Variants in DIS3L2 observed in about 807,000 individuals in gnomAD.
The protein encoded by DIS3L2 is DIS3-like exonuclease 2.
A neutral mutation model predicts 97.5 loss-of-function variants in DIS3L2; 34 were observed. The observed-to-expected ratio is 0.35, with a 90% CI of 0.27 to 0.46. The LOEUF (loss-of-function observed/expected upper bound fraction) is 0.46. Ranked by LOEUF, DIS3L2 falls within the 20% of genes least tolerant of loss-of-function variation. The probability of loss-of-function intolerance (pLI) is 1.00; values close to 1 mark genes in which losing one functional copy is unlikely to be tolerated. For missense variants in DIS3L2, 1,038 were observed against 1,146.0 expected, an observed-to-expected ratio of 0.91 and a Z score of 1.36; for synonymous variants, 435 against 445.2, an observed-to-expected ratio of 0.98 and a Z score of 0.29.
intron 10 of DIS3L2, among the ~76,000 whole-genome samples, chr2:232,220,548 A>G (rs1361330366): frequency 1.3e-5 from 2 of 151,942 alleles, no homozygotes; most frequent in East Asian, 3.9e-4. Context: ...GTCTACTAAA[A>G]ATATAAAAAT....
chr2:232,259,232 T>C (rs951282765), intron 12 of DIS3L2, among the ~76,000 whole-genome samples: 1 of 151,952 alleles, frequency 6.6e-6, no homozygotes, highest in South Asian at 2.1e-4. Flanking sequence ...GGTGTTCCTA[T>C]GTGCTGTTAG....
chr2:232,295,434 A>G (rs1200860897), intron 13 of DIS3L2, among the ~76,000 whole-genome samples: 1 of 152,210 alleles, frequency 6.6e-6, no homozygotes. Flanking sequence ...TGCAGCCAAG[A>G]AAGGGGTTCC....
At chr2:232,229,023 A>T (rs79057767) in intron 10 of DIS3L2, among the ~76,000 whole-genome samples, 7 of 152,186 alleles carry the variant, frequency 4.6e-5, no homozygotes, top group African/African-American at 1.7e-4. Context: ...GCCTCTAAAG[A>T]TCATCACTGA....
At chr2:232,209,835 G>T (rs1229288920) in intron 9 of DIS3L2, among the ~76,000 whole-genome samples, 1 of 152,200 alleles carries the variant, frequency 6.6e-6, no homozygotes, top group African/African-American at 2.4e-5. Context: ...TAATTATTCT[G>T]TGGAAACAAA....
intron 5 of DIS3L2, among the ~76,000 whole-genome samples, chr2:232,051,944 T>C (rs1265866285): frequency 6.6e-6 from 1 of 151,728 alleles, no homozygotes; most frequent in East Asian, 1.9e-4. Flanking sequence ...TATAAAAGAT[T>C]GGATATATTG....
chr2:232,092,442 G>A (rs1384297493), intron 6 of DIS3L2, among the ~76,000 whole-genome samples: 1 of 151,778 alleles, frequency 6.6e-6, no homozygotes, highest in African/African-American at 2.4e-5. Flanking sequence ...TCTATGAAGA[G>A]TGTCATTGGT....
In DIS3L2 at chr2:232,336,689, G is replaced by C; in HGVS notation, c.*59G>C. On this transcript the variant is annotated 3_prime_UTR_variant, in exon 21 of 21. Coordinates refer to ENST00000325385, the MANE Select transcript of DIS3L2 (RefSeq NM_152383.5). ...TGCCTGTCCCGCCACACTGGCTTTA[G>C]GACCTGTTGACACGGAGGGGGGTTT... The C allele has an allele frequency of 6.4e-7, 1 of 1,563,944 alleles. No homozygotes were observed. Among genetic ancestry groups the C allele is most frequent in the Non-Finnish European group, 8.6e-7 (1 of 1,161,894 alleles).
At chr2:232,093,580 G>A (rs570832367) in intron 6 of DIS3L2, among the ~76,000 whole-genome samples, 10 of 152,152 alleles carry the variant, frequency 6.6e-5, no homozygotes, top group African/African-American at 1.9e-4. Flanking sequence ...TTACTGGTCT[G>A]TTCAGGTTTT....
At chr2:232,049,531 C>T (rs1215372987) in intron 5 of DIS3L2, among the ~76,000 whole-genome samples, 1 of 152,136 alleles carries the variant, frequency 6.6e-6, no homozygotes, top group Admixed American at 6.5e-5. Flanking sequence ...TACCTTCTGT[C>T]CACATGATGA....
At chr2:231,964,068 A>G (rs139286426) in intron 1 of DIS3L2, among the ~76,000 whole-genome samples, 70 of 152,296 alleles carry the variant, frequency 4.6e-4, no homozygotes, top group Non-Finnish European at 9.3e-4. Flanking sequence ...CATGAAATAT[A>G]TACAGTTTTA....
rs539334190 is a variant in DIS3L2, at chr2:232,313,114, A to G, written c.1739+12995A>G. Among the ~76,000 whole-genome samples the G allele has an allele frequency of 9.8e-4, 149 of 151,934 alleles. 1 individual carries two copies. The highest frequency in any genetic ancestry group is 3.4e-3 in the African/African-American group (141 of 41,434). On this transcript the variant is annotated intron_variant, in intron 14 of 20. Coordinates refer to ENST00000325385, the MANE Select transcript of DIS3L2 (RefSeq NM_152383.5). ...GTATTTATTTTTCTTGCCTTATTGC[A>G]CTGTACAGTATTTCTGGACATAATA...
chr2:232,239,882 A>T (rs899195956), intron 11 of DIS3L2, among the ~76,000 whole-genome samples: 4 of 152,250 alleles, frequency 2.6e-5, no homozygotes, highest in African/African-American at 9.6e-5. Context: ...CACCCTGAAA[A>T]CTAACCTCTC....
rs80329654 is a variant in DIS3L2, at chr2:232,263,585, C to G, written c.1659+145C>G. 2,198 of 739,892 alleles carry G rather than the reference C, an allele frequency of 3.0e-3. 2 individuals are homozygous for G. Among genetic ancestry groups the G allele is most frequent in the Non-Finnish European group, 3.7e-3 (1,657 of 442,754 alleles). 45.8% of individuals were successfully genotyped at this position (739,892 alleles called of 1,614,324 possible). The stretch of plus-strand genomic sequence containing the variant: ...CTAAAATCATGTTCTCTGAGGCCGG[C>G]AGGAACTAACTCCCATTCACTCTCC... On this transcript the variant is annotated intron_variant, in intron 13 of 20. Transcript: ENST00000325385.
At chr2:232,279,780 CG>C (rs1179171635) in intron 13 of DIS3L2, among the ~76,000 whole-genome samples, 41 of 152,162 alleles carry the variant, frequency 2.7e-4, no homozygotes, top group Non-Finnish European at 5.0e-4. Flanking sequence ...CTGTCCACCT[CG>C]GCCTCCCAAA....
chr2:232,302,821 A>G (rs759427082), intron 14 of DIS3L2, among the ~76,000 whole-genome samples: 4 of 151,860 alleles, frequency 2.6e-5, no homozygotes, highest in Non-Finnish European at 4.4e-5. Context: ...TGGCCCCCCA[A>G]AGTGCTGGGA....
At chr2:232,187,001 GCA>G (rs1691457136) in intron 9 of DIS3L2, among the ~76,000 whole-genome samples, 1 of 152,098 alleles carries the variant, frequency 6.6e-6, no homozygotes, top group African/African-American at 2.4e-5. Flanking sequence ...GAAAGTGAAA[GCA>G]TAACCCTCAT....
chr2:232,243,568 T>A (rs1693165494), intron 11 of DIS3L2, among the ~76,000 whole-genome samples: 1 of 152,166 alleles, frequency 6.6e-6, no homozygotes, highest in Admixed American at 6.5e-5. Flanking sequence ...CAAAATCTTA[T>A]GAGAGTTTAC....
chr2:232,249,419 G>A, intron 12 of DIS3L2, 73 bp downstream of exon 12: 1 of 1,475,414 alleles, frequency 6.8e-7, no homozygotes, highest in Non-Finnish European at 9.3e-7. Context: ...CTCACCATGT[G>A]CCTGGCACTG....
chr2:232,343,257 T>C, intron 13 of DIS3L2: 9 of 1,131,942 alleles, frequency 8.0e-6, no homozygotes, highest in Non-Finnish European at 1.1e-5. Flanking sequence ...TGACGCAGGC[T>C]GAGTAGGCTC....
Sources: gnomAD v4.1 joint callset for allele counts (sites outside exome capture counted in the v4.1 genomes callset) on GRCh38, gnomAD v4.1.1 for gene constraint, MANE v1.5 for transcripts, NCBI Gene and HGNC (gene_info 2026-07-23, HGNC 2026-07-21) for gene names.